Variants in AP1S3 observed in about 807,000 individuals in gnomAD.
AP1S3 encodes the protein AP-1 complex subunit sigma-3.
Under a neutral mutation model 20.9 loss-of-function variants are expected in AP1S3, and 10 were observed. That is an observed-to-expected ratio of 0.48 (90% confidence interval 0.29 to 0.81). AP1S3 has a LOEUF of 0.81. Among genes scored for constraint, AP1S3 ranks in the 30% least tolerant of loss-of-function variants. AP1S3 has a pLI of 0.08. For synonymous variants in AP1S3, 41 were observed against 61.5 expected (o/e 0.67, Z 1.56); for missense variants, 154 against 183.8 (o/e 0.84, Z 0.94).
At chr2:223,765,180 T>TCATCAC (rs2106079037) in intron 4 of AP1S3, 33 bp downstream of exon 4, 1 of 1,608,840 alleles carries the variant, frequency 6.2e-7, no homozygotes, top group Non-Finnish European at 8.5e-7. Context: ...ATCATCATCA[T>TCATCAC]CTTTCTCCCA....
chr2:223,804,989 T>C (rs1691547161), intron 1 of AP1S3, among the ~76,000 whole-genome samples: 1 of 152,170 alleles, frequency 6.6e-6, no homozygotes, highest in African/African-American at 2.4e-5. Context: ...GTGAGTCAAA[T>C]GAAAATAACC....
At chr2:223,821,432 G>C (rs1691984343) in intron 1 of AP1S3, among the ~76,000 whole-genome samples, 1 of 152,160 alleles carries the variant, frequency 6.6e-6, no homozygotes, top group African/African-American at 2.4e-5. Context: ...TGGGATCACA[G>C]GCTTAAGCCA....
intron 3 of AP1S3, among the ~76,000 whole-genome samples, chr2:223,772,414 C>T (rs1690654248): frequency 6.6e-6 from 1 of 152,148 alleles, no homozygotes; most frequent in African/African-American, 2.4e-5. Context: ...AAACTCCCTA[C>T]ATCAAATTCA....
intron 1 of AP1S3, among the ~76,000 whole-genome samples, chr2:223,811,753 C>A (rs1221778351): frequency 2.0e-5 from 3 of 152,230 alleles, no homozygotes; most frequent in South Asian, 4.1e-4. Context: ...TGGACACACA[C>A]TGTAGAAAAC....
Position 223,756,631 on chromosome 2 carries a change from A to C in AP1S3, c.*2084T>G, listed in dbSNP as rs1204300982. The C allele has an allele frequency of 7.1e-6, 7 of 985,244 alleles. No individual in the cohort carries two copies. Among genetic ancestry groups the C allele is most frequent in the Non-Finnish European group, 8.4e-6 (7 of 829,854 alleles). 61.0% of individuals were successfully genotyped at this position (985,244 alleles called of 1,614,324 possible). A position where few individuals can be genotyped will look rare whatever the true frequency, so the allele number is the denominator to read the frequency against. On this transcript the variant is annotated 3_prime_UTR_variant, in exon 5 of 5. Transcript: ENST00000396654. ...ACATGGTAACCTGAAGAAATATTGG[A>C]TAGTAAAAGCCTAATGATTATTTTA...
chr2:223,755,539 T>C lies in AP1S3; in HGVS notation c.*3176A>G, dbSNP rs1330299611. ...TGTTTACTTACTTTCATTTTTTTTT[T>C]TTTTTTTTTGAGACAGGGTCTCACT... On this transcript the variant is annotated 3_prime_UTR_variant, in exon 5 of 5. Coordinates refer to ENST00000396654, the MANE Select transcript of AP1S3 (RefSeq NM_001039569.2). Among the ~76,000 whole-genome samples the C allele has an allele frequency of 1.3e-5, 2 of 149,390 alleles. No individual in the cohort carries two copies. Among genetic ancestry groups the C allele is most frequent in the East Asian group, 3.9e-4 (2 of 5,142 alleles).
At chr2:223,762,564 C>T (rs552331238) in intron 4 of AP1S3, among the ~76,000 whole-genome samples, 3 of 152,244 alleles carry the variant, frequency 2.0e-5, no homozygotes, top group South Asian at 2.1e-4. Flanking sequence ...TGAGCCACCA[C>T]GCCCAGACAG....
chr2:223,784,556 C>A (rs769745557), intron 1 of AP1S3, among the ~76,000 whole-genome samples: 7 of 152,164 alleles, frequency 4.6e-5, no homozygotes, highest in Non-Finnish European at 1.0e-4. Flanking sequence ...GGCTCCTCAC[C>A]TGCAAATGCT....
intron 4 of AP1S3, among the ~76,000 whole-genome samples, chr2:223,764,300 C>G (rs12475910): frequency 0.011 from 1,615 of 152,152 alleles, 23 homozygotes; most frequent in African/African-American, 0.034. Flanking sequence ...ATGGGAAGAC[C>G]CACTGAGGCT....
At chr2:223,777,037 T>C (rs1690799323) in intron 2 of AP1S3, among the ~76,000 whole-genome samples, 1 of 152,252 alleles carries the variant, frequency 6.6e-6, no homozygotes, top group Non-Finnish European at 1.5e-5. Flanking sequence ...TTAATAAATA[T>C]GTATACTACA....
intron 1 of AP1S3, among the ~76,000 whole-genome samples, chr2:223,783,316 C>G (rs1322260276): frequency 6.6e-6 from 1 of 152,108 alleles, no homozygotes; most frequent in Non-Finnish European, 1.5e-5. Context: ...CCATCCCCAC[C>G]TCCAAAGGGG....
intron 1 of AP1S3, among the ~76,000 whole-genome samples, chr2:223,836,854 C>A (rs2106048250): frequency 6.6e-6 from 1 of 152,282 alleles, no homozygotes; most frequent in East Asian, 1.9e-4. Context: ...CCTCACCTGG[C>A]AGAAGCCCAC....
At chr2:223,826,636 T>A (rs1692135466) in intron 1 of AP1S3, among the ~76,000 whole-genome samples, 1 of 152,014 alleles carries the variant, frequency 6.6e-6, no homozygotes. Flanking sequence ...ACTCTATTCA[T>A]ATTTCATAGA....
At chr2:223,828,295 C>CTTTTTTTTTTTTTTTTTTTTTTT (rs775000674) in intron 1 of AP1S3, among the ~76,000 whole-genome samples, 1 of 131,386 alleles carries the variant, frequency 7.6e-6, no homozygotes. Context: ...TCCTCTCTCT[C>CTTTTTTTTTTTTTTTTTTTTTTT]TTTTTTTTTT....
At chr2:223,807,281 C>T (rs911429340) in intron 1 of AP1S3, among the ~76,000 whole-genome samples, 27 of 151,866 alleles carry the variant, frequency 1.8e-4, no homozygotes, top group African/African-American at 6.0e-4. Flanking sequence ...AAGAGAGAGA[C>T]AGAGAGAAAA....
chr2:223,823,165 T>C (rs142963889), intron 1 of AP1S3, among the ~76,000 whole-genome samples: 1 of 152,178 alleles, frequency 6.6e-6, no homozygotes, highest in Non-Finnish European at 1.5e-5. Context: ...ACAGCTATTA[T>C]AGAAAACAGT....
intron 1 of AP1S3, among the ~76,000 whole-genome samples, chr2:223,806,989 G>A (rs1014685046): frequency 6.6e-6 from 1 of 152,038 alleles, no homozygotes; most frequent in Non-Finnish European, 1.5e-5. Context: ...AAAATAGGCT[G>A]GGCACAATGG....
At chr2:223,767,322 T>C (rs1690509820) in intron 3 of AP1S3, among the ~76,000 whole-genome samples, 1 of 152,204 alleles carries the variant, frequency 6.6e-6, no homozygotes, top group African/African-American at 2.4e-5. Flanking sequence ...ATTTTGGCAA[T>C]ACCACTTAAT....
At chr2:223,834,438 A>G (rs1361591484) in intron 1 of AP1S3, among the ~76,000 whole-genome samples, 3 of 152,010 alleles carry the variant, frequency 2.0e-5, no homozygotes, top group South Asian at 2.1e-4. Flanking sequence ...AAAAATCAAA[A>G]AATTACCTGG....
Sources: gnomAD v4.1 joint callset for allele counts (sites outside exome capture counted in the v4.1 genomes callset) on GRCh38, gnomAD v4.1.1 for gene constraint, MANE v1.5 for transcripts, NCBI Gene and HGNC (gene_info 2026-07-23, HGNC 2026-07-21) for gene names.